The following KIF2A variants were observed in gnomAD, a reference collection of about 807,000 sequenced individuals.
KIF2A encodes the protein kinesin family member 2A, also known as kinesin-like protein KIF2A.
KIF2A carries 22 observed loss-of-function variants against 100.2 expected under a neutral mutation model. The observed-to-expected ratio is 0.22, with a 90% CI of 0.16 to 0.31. The LOEUF (loss-of-function observed/expected upper bound fraction) is 0.31. Among genes scored for constraint, KIF2A ranks in the 10% least tolerant of loss-of-function variants. The pLI, the probability that KIF2A is intolerant of heterozygous loss-of-function variation, is 1.00. For missense variants in KIF2A, 495 were observed against 898.7 expected (o/e 0.55, Z 5.74); for synonymous variants, 268 against 285.9 (o/e 0.94, Z 0.63).
chr5:62,320,246 T>C (rs1379830344), intron 1 of KIF2A, among the ~76,000 whole-genome samples: 5 of 152,200 alleles, frequency 3.3e-5, no homozygotes, highest in Non-Finnish European at 7.4e-5. Context: ...ACCAGTCTTT[T>C]ACTGATGACA....
Position 62,348,124 on chromosome 5 carries a change from C to G in KIF2A, c.236C>G (p.Pro79Arg). Residue 79 changes from proline to arginine, a missense_variant, in exon 3 of 21, where the codon CCT (proline) becomes CGT (arginine). Pro to Arg is a moderately radical substitution (Grantham distance 103). Coordinates refer to ENST00000407818, the MANE Select transcript of KIF2A (RefSeq NM_001098511.3). ...GAAATTGAACCCAGTCCAGAAACAC[C>G]TCCACCTCCAGCATCCTCAGCCAAA... ...DEEIEPSPET[P>R]PPPASSAKVN... The G allele has an allele frequency of 6.2e-7, 1 of 1,613,758 alleles. No homozygotes were observed. Among genetic ancestry groups the G allele is most frequent in the Non-Finnish European group, 8.5e-7 (1 of 1,179,800 alleles).
At chr5:62,363,020 G>A (rs1355547573) in intron 12 of KIF2A, among the ~76,000 whole-genome samples, 158 bp from the exon 13 acceptor site, 1 of 152,130 alleles carries the variant, frequency 6.6e-6, no homozygotes, top group Non-Finnish European at 1.5e-5. Flanking sequence ...CAGAGACAAG[G>A]TCTCACTATG....
intron 1 of KIF2A, among the ~76,000 whole-genome samples, chr5:62,329,928 T>G (rs185867406): frequency 1.2e-3 from 179 of 152,382 alleles, no homozygotes; most frequent in African/African-American, 4.1e-3. Flanking sequence ...CTTATTAACA[T>G]GTTTTTCTAT....
At chr5:62,307,628 CT>C (rs34564670) in intron 1 of KIF2A, among the ~76,000 whole-genome samples, 71,880 of 140,282 alleles carry the variant, frequency 0.51, 18,031 homozygotes, top group South Asian at 0.62. Context: ...ATACCGATTC[CT>C]TTTTTTTTTT....
intron 16 of KIF2A, among the ~76,000 whole-genome samples, chr5:62,372,167 C>G (rs1213148304): frequency 3.9e-5 from 6 of 152,026 alleles, no homozygotes; most frequent in Non-Finnish European, 8.8e-5. Context: ...ATTTAAGTGA[C>G]TTAGTTAAAC....
At position 62,306,382 on chromosome 5, in the gene KIF2A, T is replaced by C. The variant is rs1745267979; in HGVS notation, c.-91T>C. 8.5e-6 allele frequency: 8 copies of C among 942,882 alleles called. No homozygotes were observed. Among genetic ancestry groups the C allele is most frequent in the South Asian group, 4.6e-5 (3 of 65,650 alleles). The allele number at this position is 942,882 out of a possible 1,614,324, so 58.4% of individuals were successfully genotyped here. A position where few individuals can be genotyped will look rare whatever the true frequency, so the allele number is the denominator to read the frequency against. ...GGCCGGCGCGGCCGCGGGCAACCGC[T>C]CCCCCTCCCACACCTACCCCGCCCC... On this transcript the variant is annotated 5_prime_UTR_variant, in exon 1 of 21. Coordinates refer to ENST00000407818, the MANE Select transcript of KIF2A (RefSeq NM_001098511.3).
At chr5:62,379,297 A>G (rs994081444) in intron 19 of KIF2A, among the ~76,000 whole-genome samples, 1 of 152,158 alleles carries the variant, frequency 6.6e-6, no homozygotes, top group Admixed American at 6.5e-5. Flanking sequence ...CTGTATTATG[A>G]TCTGCCATTT....
At chr5:62,347,326 A>G in intron 2 of KIF2A, 102 bp downstream of exon 2, 1 of 647,250 alleles carries the variant, frequency 1.5e-6, no homozygotes, top group Non-Finnish European at 2.6e-6. Flanking sequence ...TAGTGCATAT[A>G]TTTTTATTAT....
At chr5:62,342,177 C>T (rs1480946012) in intron 1 of KIF2A, among the ~76,000 whole-genome samples, 2 of 152,162 alleles carry the variant, frequency 1.3e-5, no homozygotes, top group Non-Finnish European at 2.9e-5. Flanking sequence ...GGGGCTGCCA[C>T]GGGCAGTTGG....
rs1741343593 is a variant in KIF2A at position 62,371,896 on chromosome 5, A to G, written c.1647-542A>G. 2.0e-5 allele frequency among the ~76,000 whole-genome samples: 3 copies of G among 152,348 alleles called. No individual in the cohort carries two copies. The South Asian group carries it at 6.2e-4, about 32-fold the overall frequency. On this transcript the variant is annotated intron_variant, in intron 16 of 20. Transcript: ENST00000407818. ...CCAGAGTTCTTCATCTGAATCACCAACCACTGAAAATAGAGTGAATATTTT... is the reference window on the plus strand; with the variant it reads ...CCAGAGTTCTTCATCTGAATCACCAGCCACTGAAAATAGAGTGAATATTTT...
At chr5:62,345,217 G>A (rs1413548218) in intron 1 of KIF2A, among the ~76,000 whole-genome samples, 5 of 152,002 alleles carry the variant, frequency 3.3e-5, no homozygotes, top group Non-Finnish European at 5.9e-5. Context: ...GTGAAACCCC[G>A]TCTCTACTAA....
chr5:62,327,423 A>G (rs1283196853), intron 1 of KIF2A, among the ~76,000 whole-genome samples: 2 of 152,118 alleles, frequency 1.3e-5, no homozygotes, highest in South Asian at 2.1e-4. Flanking sequence ...TGCCCTTCCA[A>G]AGAGCCAGTT....
Position 62,348,190 on chromosome 5 carries a change from G to T in KIF2A, c.279+23G>T, listed in dbSNP as rs1028358408. ...AAGGTTAGTGATGAAAATTCAGAGT[G>T]CAGGACACTGGGAGAGAGCGGGAGT... is the stretch of plus-strand genomic sequence containing the variant. On this transcript the variant is annotated intron_variant, in intron 3 of 20. Transcript: ENST00000407818. The T allele has an allele frequency of 8.1e-6, 13 of 1,612,212 alleles. No homozygotes were observed. In the African/African-American group the frequency reaches 1.1e-4, roughly 13 times the overall value.
chr5:62,309,228 C>T (rs567083478), intron 1 of KIF2A, among the ~76,000 whole-genome samples: 7 of 152,138 alleles, frequency 4.6e-5, no homozygotes, highest in Non-Finnish European at 1.0e-4. Context: ...CAGAAGTTCC[C>T]AGACATACAA....
chr5:62,311,240 TTC>T (rs1296235103), intron 1 of KIF2A, among the ~76,000 whole-genome samples: 4 of 152,182 alleles, frequency 2.6e-5, no homozygotes, highest in African/African-American at 9.7e-5. Flanking sequence ...AAAGGAGGAA[TTC>T]TCTGTTATTT....
At chr5:62,371,570 T>C (rs1275521543) in intron 16 of KIF2A, among the ~76,000 whole-genome samples, 1 of 152,236 alleles carries the variant, frequency 6.6e-6, no homozygotes, top group East Asian at 1.9e-4. Context: ...ACCTCAGTTA[T>C]GCCACATTCT....
At chr5:62,306,564 C>T in intron 1 of KIF2A, 28 bp downstream of exon 1, 2 of 1,531,188 alleles carry the variant, frequency 1.3e-6, no homozygotes, top group Admixed American at 4.0e-5. Context: ...CCCCGCTGGC[C>T]CGCTCGGCCC....
chr5:62,334,019 G>A lies in KIF2A; in HGVS notation c.65-13111G>A, dbSNP rs145461017. On this transcript the variant is annotated intron_variant, in intron 1 of 20. Coordinates refer to ENST00000407818, the MANE Select transcript of KIF2A (RefSeq NM_001098511.3). The stretch of plus-strand genomic sequence containing the variant: ...CTGTCGTCACCCTCCTCCTGACCCC[G>A]GTCCTAATGAAGTCCCTGGAATTAA... Among the ~76,000 whole-genome samples the A allele has an allele frequency of 8.0e-4, 121 of 152,106 alleles. 1 individual carries two copies. Among genetic ancestry groups the A allele is most frequent in the African/African-American group, 2.7e-3 (111 of 41,482 alleles).
intron 3 of KIF2A, 148 bp downstream of exon 3, chr5:62,348,315 A>C: frequency 1.4e-6 from 1 of 701,996 alleles, no homozygotes; most frequent in Non-Finnish European, 2.3e-6. Context: ...ATATATACAT[A>C]CATATTTTCA....
Sources: gnomAD v4.1 joint callset for allele counts (sites outside exome capture counted in the v4.1 genomes callset) on GRCh38, gnomAD v4.1.1 for gene constraint, MANE v1.5 for transcripts, NCBI Gene and HGNC (gene_info 2026-07-23, HGNC 2026-07-21) for gene names.